The following RP1 variants were observed in gnomAD, a reference collection of about 807,000 sequenced individuals.
The protein encoded by RP1 is oxygen-regulated protein 1.
RP1 carries 16 observed loss-of-function variants against 14.8 expected under a neutral mutation model. The ratio of observed to expected loss-of-function variants is 1.08; its 90% CI spans 0.73 to 1.65. The LOEUF is 1.65. Ranked by LOEUF, RP1 falls within the 40% of genes most tolerant of loss-of-function variation. The probability of loss-of-function intolerance (pLI) is 0.00; values close to 1 mark genes in which losing one functional copy is unlikely to be tolerated. For synonymous variants in RP1, 876 were observed against 883.6 expected, an observed-to-expected ratio of 0.99 and a Z score of 0.15; for missense variants, 2,631 against 2,535.0, an observed-to-expected ratio of 1.04 and a Z score of -0.81.
At chr8:54,582,746 T>G (rs1159553454) in intron 1 of RP1, among the ~76,000 whole-genome samples, 2 of 152,186 alleles carry the variant, frequency 1.3e-5, no homozygotes, top group Admixed American at 1.3e-4. Context: ...TTCCTAGGTA[T>G]TTTATTCTCT....
intron 15 of RP1, among the ~76,000 whole-genome samples, chr8:54,719,946 G>T (rs1808495423): frequency 6.6e-6 from 1 of 152,104 alleles, no homozygotes; most frequent in Admixed American, 6.6e-5. Context: ...CCCATCATGT[G>T]GTCTCTGTTT....
chr8:54,822,658 GA>G (rs1811285547), intron 24 of RP1, among the ~76,000 whole-genome samples: 1 of 152,178 alleles, frequency 6.6e-6, no homozygotes, highest in African/African-American at 2.4e-5. Flanking sequence ...GCAATGAAGG[GA>G]AAAATATAGA....
chr8:54,611,831 C>T (rs1040347702), upstream of RP1, among the ~76,000 whole-genome samples: 4 of 150,374 alleles, frequency 2.7e-5, no homozygotes, highest in South Asian at 6.3e-4. Flanking sequence ...AAATTTAATC[C>T]TCTCCCCTCC....
chr8:54,733,061 G>A lies in RP1; in HGVS notation c.2522-1484G>A, dbSNP rs138975749. ...TTAAGTGCTTAGGGTAGTGTGCAGC[G>A]CAGAAGAAAACCTCAGATGCTAGCA... On this transcript the variant is annotated intron_variant, in intron 17 of 22. Transcript: ENST00000636932. 6.1e-3 allele frequency among the ~76,000 whole-genome samples: 935 copies of A among 152,212 alleles called. 8 individuals carry two copies. Among genetic ancestry groups the A allele is most frequent in the Admixed American group, 4.2e-3 (64 of 15,276 alleles).
chr8:54,821,024 A>G (rs533755147), intron 24 of RP1, among the ~76,000 whole-genome samples: 1 of 152,318 alleles, frequency 6.6e-6, no homozygotes, highest in South Asian at 2.1e-4. Context: ...AAAAAGCCAT[A>G]TTTAAAGCAG....
chr8:54,853,794 G>C, intron 26 of RP1, among the ~76,000 whole-genome samples: 1 of 131,328 alleles, frequency 7.6e-6, no homozygotes, highest in East Asian at 2.1e-4. Context: ...GAAAGAAAGA[G>C]AGAGAGAAAG....
intron 19 of RP1, among the ~76,000 whole-genome samples, chr8:54,754,091 T>TTG (rs1809440365): frequency 6.6e-6 from 1 of 152,090 alleles, no homozygotes; most frequent in Non-Finnish European, 1.5e-5. Flanking sequence ...GAAGGGGCCT[T>TTG]TGTGTGGAAC....
intron 25 of RP1, among the ~76,000 whole-genome samples, chr8:54,844,186 G>A (rs1348773356): frequency 2.0e-5 from 3 of 152,114 alleles, no homozygotes; most frequent in Non-Finnish European, 4.4e-5. Flanking sequence ...TTTACCAGCT[G>A]GACAGAGTTG....
At chr8:54,663,768 T>C in exon 7 of RP1, 1 of 1,535,246 alleles carries the variant, frequency 6.5e-7, no homozygotes, top group East Asian at 2.4e-5. Context: ...AACGTCTACA[T>C]TTCTATCCAT....
intron 3 of RP1, 65 bp downstream of exon 3, chr8:54,622,353 G>A (rs1789953848): frequency 4.2e-6 from 6 of 1,433,236 alleles, no homozygotes; most frequent in Non-Finnish European, 5.9e-6. Context: ...CTCAAGGACG[G>A]CAAAATCCAT....
intron 24 of RP1, among the ~76,000 whole-genome samples, chr8:54,784,122 C>G (rs777068596): frequency 1.3e-5 from 2 of 152,078 alleles, no homozygotes; most frequent in Non-Finnish European, 2.9e-5. Context: ...GTGGTGCAGG[C>G]CTAATGACTA....
At chr8:54,618,895 G>A (rs531716263) in intron 1 of RP1, among the ~76,000 whole-genome samples, 39 of 152,162 alleles carry the variant, frequency 2.6e-4, no homozygotes, top group African/African-American at 8.9e-4. Context: ...TCCTAACCTC[G>A]GGTGATCTAC....
intron 24 of RP1, among the ~76,000 whole-genome samples, chr8:54,824,961 T>TA (rs200630353): frequency 7.5e-6 from 1 of 133,748 alleles, no homozygotes; most frequent in Admixed American, 7.3e-5. Flanking sequence ...TTTTTCTTTC[T>TA]TTTTTTTTTT....
chr8:54,721,633 A>G (rs1323079961), intron 16 of RP1, among the ~76,000 whole-genome samples: 2 of 152,198 alleles, frequency 1.3e-5, no homozygotes, highest in Non-Finnish European at 2.9e-5. Context: ...ACCAATAGAA[A>G]CAAAGCCATT....
chr8:54,678,368 A>G lies in RP1; in HGVS notation c.1403-93A>G, dbSNP rs1039143537. ...TTTATATTGTACAAGACCTTTACATATATTTGGAAGTTAGAACTTGTTTCT... is the reference window on the plus strand; with the variant it reads ...TTTATATTGTACAAGACCTTTACATGTATTTGGAAGTTAGAACTTGTTTCT... On this transcript the variant is annotated intron_variant, in intron 8 of 22. Transcript: ENST00000636932. The G allele has an allele frequency of 4.2e-5, 43 of 1,030,310 alleles. No homozygotes were observed. The African/African-American group carries it at 6.3e-4, about 15-fold the overall frequency. The allele number at this position is 1,030,310 out of a possible 1,614,324, so 63.8% of individuals were successfully genotyped here. A position where few individuals can be genotyped will look rare whatever the true frequency, so the allele number is the denominator to read the frequency against.
At chr8:54,570,936 C>CGCA (rs1284318524) in intron 1 of RP1, among the ~76,000 whole-genome samples, 3 of 152,128 alleles carry the variant, frequency 2.0e-5, no homozygotes, top group Non-Finnish European at 4.4e-5. Flanking sequence ...GCACTGCTGC[C>CGCA]GCAGCTGTAA....
intron 21 of RP1, among the ~76,000 whole-genome samples, chr8:54,756,074 C>T (rs1389348868): frequency 1.6e-4 from 25 of 152,134 alleles, no homozygotes; most frequent in Admixed American, 1.6e-3. Context: ...AATGTGCTCT[C>T]TCAGGCTTGA....
intron 24 of RP1, among the ~76,000 whole-genome samples, chr8:54,834,866 T>G (rs1032860333): frequency 1.3e-5 from 2 of 152,136 alleles, no homozygotes; most frequent in African/African-American, 4.8e-5. Flanking sequence ...AGATGCTGAG[T>G]TAAGATAAAA....
At chr8:54,718,475 C>T (rs932667575) in intron 15 of RP1, among the ~76,000 whole-genome samples, 1 of 152,174 alleles carries the variant, frequency 6.6e-6, no homozygotes, top group Non-Finnish European at 1.5e-5. Flanking sequence ...AAAGGGTAGA[C>T]TTTTCAACAA....
Sources: gnomAD v4.1 joint callset for allele counts (sites outside exome capture counted in the v4.1 genomes callset) on GRCh38, gnomAD v4.1.1 for gene constraint, MANE v1.5 for transcripts, NCBI Gene and HGNC (gene_info 2026-07-23, HGNC 2026-07-21) for gene names.